The following ADARB2 variants were observed in gnomAD, a reference collection of about 807,000 sequenced individuals.
The protein encoded by ADARB2 is inactive double-stranded RNA-specific editase B2.
ADARB2 carries 25 observed loss-of-function variants against 62.2 expected under a neutral mutation model. That is an observed-to-expected ratio of 0.40 (90% CI 0.29 to 0.56). The LOEUF is 0.56. ADARB2 is among the 20% of genes least tolerant of loss of function. The pLI, the probability that ADARB2 is intolerant of heterozygous loss-of-function variation, is 0.43. For missense variants in ADARB2, 1,071 were observed against 1,077.4 expected, an observed-to-expected ratio of 0.99 and a Z score of 0.08; for synonymous variants, 572 against 500.8, an observed-to-expected ratio of 1.14 and a Z score of -1.90.
At chr10:1,494,977 CT>C (rs1021407389) in intron 1 of ADARB2, among the ~76,000 whole-genome samples, 3 of 151,866 alleles carry the variant, frequency 2.0e-5, no homozygotes, top group African/African-American at 7.3e-5. Context: ...TAGGTTTTCT[CT>C]TTTTTTCTAC....
chr10:1,697,754 C>T (rs554096933), intron 1 of ADARB2, among the ~76,000 whole-genome samples: 4 of 152,248 alleles, frequency 2.6e-5, no homozygotes, highest in African/African-American at 4.8e-5. Flanking sequence ...AGTTGGGGCC[C>T]GTGACCTGAG....
chr10:1,713,704 C>T (rs1834980231), intron 1 of ADARB2, among the ~76,000 whole-genome samples: 1 of 152,200 alleles, frequency 6.6e-6, no homozygotes, highest in Non-Finnish European at 1.5e-5. Flanking sequence ...GCTGCAGTAC[C>T]TGGATACCTC....
intron 1 of ADARB2, among the ~76,000 whole-genome samples, chr10:1,504,111 G>A (rs889668863): frequency 3.3e-5 from 5 of 152,188 alleles, no homozygotes; most frequent in African/African-American, 1.2e-4. Context: ...ACATGGAAGT[G>A]GCATGTTCAG....
At chr10:1,276,352 CTGTT>C (rs1027240873) in intron 3 of ADARB2, among the ~76,000 whole-genome samples, 55 of 151,968 alleles carry the variant, frequency 3.6e-4, no homozygotes, top group African/African-American at 1.3e-3. Context: ...TTTGATGGGG[CTGTT>C]TGTTTTTTTT....
chr10:1,603,958 T>A (rs1833463726), intron 1 of ADARB2, among the ~76,000 whole-genome samples: 1 of 151,998 alleles, frequency 6.6e-6, no homozygotes, highest in African/African-American at 2.4e-5. Flanking sequence ...GTGCACACCA[T>A]CATGCCTGAC....
chr10:1,383,793 G>C (rs2131862401), intron 1 of ADARB2, among the ~76,000 whole-genome samples: 1 of 152,194 alleles, frequency 6.6e-6, no homozygotes, highest in East Asian at 1.9e-4. Context: ...CACGTCCCAG[G>C]CTTCCAGCCT....
At chr10:1,299,608 C>T (rs1024967538) in intron 3 of ADARB2, among the ~76,000 whole-genome samples, 4 of 152,190 alleles carry the variant, frequency 2.6e-5, no homozygotes, top group African/African-American at 9.7e-5. Context: ...GTCCTGCAGA[C>T]CTCATGGGGA....
Position 1,506,888 on chromosome 10 carries a change from G to A in ADARB2, c.101-127728C>T, listed in dbSNP as rs57729380. ...GGAAAAACGTGAGGGCCCTGGTTTC[G>A]TCCCTCTCCGATCCCTGCCGTGTGA... On this transcript the variant is annotated intron_variant, in intron 1 of 9. Transcript: ENST00000381312. Among the ~76,000 whole-genome samples, 5 of 152,308 alleles carry A rather than the reference G, an allele frequency of 3.3e-5. No homozygotes were observed. In the East Asian group the frequency reaches 5.8e-4, roughly 18 times the overall value.
intron 4 of ADARB2, among the ~76,000 whole-genome samples, chr10:1,262,403 T>C (rs1043521064): frequency 2.6e-5 from 4 of 151,734 alleles, no homozygotes; most frequent in Admixed American, 2.6e-4. Context: ...AAAGGGCTAA[T>C]ATCCAGAATC....
chr10:1,632,304 ACACACACAGGCACACAATACTCACGTG>A (rs1238594562), intron 1 of ADARB2, among the ~76,000 whole-genome samples: 5 of 152,150 alleles, frequency 3.3e-5, no homozygotes, highest in African/African-American at 1.2e-4. Context: ...ACACATGCGC[ACACACACAGGCACACAATACTCACGTG>A]CACACACATG....
intron 1 of ADARB2, among the ~76,000 whole-genome samples, chr10:1,665,863 C>T (rs1004243943): frequency 6.6e-6 from 1 of 152,192 alleles, no homozygotes; most frequent in African/African-American, 2.4e-5. Flanking sequence ...CATCTCAGGG[C>T]TCACCAGAGG....
At chr10:1,439,789 T>G (rs11250520) in intron 1 of ADARB2, among the ~76,000 whole-genome samples, 10,877 of 69,478 alleles carry the variant, frequency 0.16, 1,780 homozygotes, top group African/African-American at 0.35. Flanking sequence ...ACAGAGGCAG[T>G]CTCCTCATGA....
intron 1 of ADARB2, among the ~76,000 whole-genome samples, chr10:1,726,821 G>C (rs1253641412): frequency 6.6e-6 from 1 of 152,104 alleles, no homozygotes; most frequent in Non-Finnish European, 1.5e-5. Context: ...GGAGGAGTGT[G>C]TGCATCCCAG....
intron 1 of ADARB2, among the ~76,000 whole-genome samples, chr10:1,463,027 C>T (rs539554968): frequency 2.6e-5 from 4 of 151,904 alleles, no homozygotes; most frequent in African/African-American, 7.3e-5. Context: ...TGGGGTGGGA[C>T]GCAGCTGGTG....
At chr10:1,244,637 G>A (rs899688319) in intron 4 of ADARB2, among the ~76,000 whole-genome samples, 1 of 152,190 alleles carries the variant, frequency 6.6e-6, no homozygotes, top group African/African-American at 2.4e-5. Flanking sequence ...CAGGAGACGC[G>A]AAGCCTGGAC....
chr10:1,441,122 A>G (rs1359456812), intron 1 of ADARB2, among the ~76,000 whole-genome samples: 1 of 152,224 alleles, frequency 6.6e-6, no homozygotes, highest in African/African-American at 2.4e-5. Context: ...TGTGCAGTAG[A>G]CGACTAGTTT....
intron 4 of ADARB2, among the ~76,000 whole-genome samples, chr10:1,264,267 A>T (rs1831171966): frequency 6.6e-6 from 1 of 152,176 alleles, no homozygotes; most frequent in Non-Finnish European, 1.5e-5. Context: ...CTCATGCCCG[A>T]CTGGATGCAA....
intron 1 of ADARB2, among the ~76,000 whole-genome samples, chr10:1,465,014 G>T (rs1588268202): frequency 6.6e-6 from 1 of 152,220 alleles, no homozygotes; most frequent in Non-Finnish European, 1.5e-5. Context: ...CCTATCAGGA[G>T]AATGGAGGAG....
At chr10:1,589,402 G>A (rs1833220247) in intron 1 of ADARB2, among the ~76,000 whole-genome samples, 1 of 151,824 alleles carries the variant, frequency 6.6e-6, no homozygotes, top group African/African-American at 2.4e-5. Flanking sequence ...GGCATCCACG[G>A]AGGGGCGTCT....
Sources: gnomAD v4.1 joint callset for allele counts (sites outside exome capture counted in the v4.1 genomes callset) on GRCh38, gnomAD v4.1.1 for gene constraint, MANE v1.5 for transcripts, NCBI Gene and HGNC (gene_info 2026-07-23, HGNC 2026-07-21) for gene names.